TMEM140: variants seen among roughly 807,000 people sequenced by gnomAD.
The protein encoded by TMEM140 is transmembrane protein 140.
For missense variants in TMEM140, 236 were observed against 228.5 expected (o/e 1.03, Z -0.21); for synonymous variants, 107 against 106.8 (o/e 1.00, Z -0.01).
intron 1 of TMEM140, 97 bp from the exon 2 acceptor site, chr7:135,164,321 T>G: frequency 5.8e-6 from 6 of 1,032,020 alleles, no homozygotes; most frequent in Non-Finnish European, 8.5e-6. Flanking sequence ...AAACTTGCCA[T>G]GAGTTTGTAA....
chr7:135,156,650 T>C, intron 1 of TMEM140, among the ~76,000 whole-genome samples: 1 of 152,354 alleles, frequency 6.6e-6, no homozygotes, highest in African/African-American at 2.4e-5. Context: ...TTCAGATTTC[T>C]CTTGCACTTC....
intron 1 of TMEM140, among the ~76,000 whole-genome samples, chr7:135,152,160 G>A (rs1218336434): frequency 6.6e-6 from 1 of 152,210 alleles, no homozygotes; most frequent in Non-Finnish European, 1.5e-5. Flanking sequence ...TTTTACAGAT[G>A]AAAAATCTAG....
In TMEM140 at chr7:135,165,003, C is replaced by T. The variant is rs762546752; in HGVS notation, c.*4C>T. ...GAGCAAGCTTGAGAGCTGCTAAAGGCTTACGTGATTGCAAGGGTTCAGTTC... is the reference window on the plus strand; with the variant it reads ...GAGCAAGCTTGAGAGCTGCTAAAGGTTTACGTGATTGCAAGGGTTCAGTTC... On this transcript the variant is annotated 3_prime_UTR_variant, in exon 2 of 2. Transcript: ENST00000275767. The T allele has an allele frequency of 1.9e-6, 3 of 1,569,302 alleles. No individual in the cohort carries two copies. In the Admixed American group the frequency reaches 5.5e-5, roughly 29 times the overall value.
At chr7:135,155,960 G>A (rs1031451483) in intron 1 of TMEM140, among the ~76,000 whole-genome samples, 4 of 152,164 alleles carry the variant, frequency 2.6e-5, no homozygotes, top group Non-Finnish European at 5.9e-5. Context: ...TGCTTGTATG[G>A]GAAGGACTTT....
intron 1 of TMEM140, among the ~76,000 whole-genome samples, chr7:135,150,764 G>T (rs1829649344): frequency 1.3e-5 from 2 of 152,202 alleles, no homozygotes; most frequent in Non-Finnish European, 2.9e-5. Context: ...GCTGAGGCAG[G>T]TGAATTTCTT....
At position 135,165,749 on chromosome 7, in the gene TMEM140, A is replaced by G. The variant is rs1278446053; in HGVS notation, c.*750A>G. 1 of 167,130 alleles carries G rather than the reference A, an allele frequency of 6.0e-6. No individual in the cohort carries two copies. The highest frequency in any genetic ancestry group is 6.5e-5 in the Admixed American group (1 of 15,294). 10.4% of individuals were successfully genotyped at this position (167,130 alleles called of 1,614,324 possible). A position where few individuals can be genotyped will look rare whatever the true frequency, so the allele number is the denominator to read the frequency against. ...CAAACGCTGCCACCCTCCACTTCCC[A>G]ACCCAGAACTTGGAAAGACATTAGC... On this transcript the variant is annotated 3_prime_UTR_variant, in exon 2 of 2. Coordinates refer to ENST00000275767, the MANE Select transcript of TMEM140 (RefSeq NM_018295.5).
Position 135,164,529 on chromosome 7 carries a change from T to C in TMEM140, c.88T>C (p.Tyr30His). The stretch of plus-strand genomic sequence containing the variant: ...GATTGTGGTCATCTGCCTGATGTTT[T>C]ACGCTCTTCTCTGGGAGGCTGGCAA... ...LVIVVICLMFYALLWEAGNLT... is the reference protein window; with the variant it reads ...LVIVVICLMFHALLWEAGNLT... The change falls in exon 2 of 2, where the codon TAC (tyrosine) becomes CAC (histidine). Residue 30 changes from tyrosine (Y) to histidine (H), a missense_variant. By Grantham distance (83) the Tyr-to-His change is moderately conservative. Coordinates refer to ENST00000275767, the MANE Select transcript of TMEM140 (RefSeq NM_018295.5). 1 of 1,614,138 alleles carries C rather than the reference T, an allele frequency of 6.2e-7. No homozygotes were observed. The highest frequency in any genetic ancestry group is 8.5e-7 in the Non-Finnish European group (1 of 1,179,982).
At chr7:135,155,021 T>C (rs1372461288) in intron 1 of TMEM140, among the ~76,000 whole-genome samples, 1 of 152,238 alleles carries the variant, frequency 6.6e-6, no homozygotes, top group Non-Finnish European at 1.5e-5. Context: ...GCTTCAATGT[T>C]GGGTACATAT....
At position 135,165,795 on chromosome 7, in the gene TMEM140, TTG is replaced by T. The variant is rs61428193; in HGVS notation, c.*802_*803del. ...TTAGCACAACTTACGCATTGGGGAA[TTG>T]TGTGTATTTTCTAGCACTTGTGTAT... On this transcript the variant is annotated 3_prime_UTR_variant, in exon 2 of 2. Coordinates refer to ENST00000275767, the MANE Select transcript of TMEM140 (RefSeq NM_018295.5). 2.1e-3 allele frequency: 345 copies of T among 167,154 alleles called. 1 individual carries two copies. The highest frequency in any genetic ancestry group is 7.6e-3 in the African/African-American group (316 of 41,510). The allele number at this position is 167,154 out of a possible 1,614,324, so 10.4% of individuals were successfully genotyped here.
In TMEM140 at chr7:135,161,280, C is replaced by T. The variant is rs1456782659; in HGVS notation, c.-24-3138C>T. Among the ~76,000 whole-genome samples the T allele has an allele frequency of 2.6e-5, 4 of 152,304 alleles. No individual in the cohort carries two copies. The highest frequency in any genetic ancestry group is 2.1e-4 in the South Asian group (1 of 4,826). ...CGCAAGGTGGCTGATGCAATCTCCC[C>T]GAGGAGCCACATTAATTTTTAAAAA... is the stretch of plus-strand genomic sequence containing the variant. On this transcript the variant is annotated intron_variant, in intron 1 of 1. Coordinates refer to ENST00000275767, the MANE Select transcript of TMEM140 (RefSeq NM_018295.5). This position sits in a 1 kb window ranked among gnomAD's most constrained non-coding sequence, Gnocchi z 4.1.
At chr7:135,155,870 C>T (rs1012310611) in intron 1 of TMEM140, among the ~76,000 whole-genome samples, 4 of 152,210 alleles carry the variant, frequency 2.6e-5, no homozygotes, top group African/African-American at 9.7e-5. Context: ...TAATTAAAAA[C>T]ACCATTCATT....
intron 1 of TMEM140, among the ~76,000 whole-genome samples, chr7:135,163,333 TTTA>T (rs1184053323): frequency 2.0e-5 from 3 of 152,216 alleles, no homozygotes; most frequent in East Asian, 3.8e-4. Context: ...GGTTATCTTT[TTTA>T]TTATTATTTT....
At chr7:135,155,051 C>T (rs185728749) in intron 1 of TMEM140, among the ~76,000 whole-genome samples, 32 of 152,236 alleles carry the variant, frequency 2.1e-4, no homozygotes, top group Admixed American at 1.6e-3. Flanking sequence ...ACTATTATAT[C>T]GTCTTGCTGA....
Position 135,164,470 on chromosome 7 carries a change from A to T in TMEM140, c.29A>T (p.Asp10Val). 1 of 1,598,774 alleles carries T rather than the reference A, an allele frequency of 6.3e-7. No individual in the cohort carries two copies. The highest frequency in any genetic ancestry group is 1.1e-5 in the South Asian group (1 of 90,686). Residue 10 changes from aspartate (D) to valine (V), a missense_variant, in exon 2 of 2, where the codon GAC becomes GTC. Physicochemically the swap from Asp to Val is radical, Grantham distance 152 (BLOSUM62 -3). Transcript: ENST00000275767. MAGPRPRWR[D>V]QLLFMSIIVL... ...GCCGGCCCAAGGCCTCGGTGGCGCG[A>T]CCAGCTGCTGTTCATGAGCATCATA... is the stretch of plus-strand genomic sequence containing the variant.
intron 1 of TMEM140, among the ~76,000 whole-genome samples, chr7:135,156,787 G>C (rs1457742354): frequency 6.6e-6 from 1 of 152,128 alleles, no homozygotes; most frequent in African/African-American, 2.4e-5. Context: ...GTTTGACTGT[G>C]TCCCCACCCA....
At chr7:135,156,851 G>A (rs7790371) in intron 1 of TMEM140, among the ~76,000 whole-genome samples, 3 of 151,896 alleles carry the variant, frequency 2.0e-5, no homozygotes. Context: ...GAGAGGGGAC[G>A]CCAGGGGAGG....
intron 1 of TMEM140, among the ~76,000 whole-genome samples, chr7:135,160,351 C>T (rs972487141): frequency 2.6e-5 from 4 of 152,190 alleles, no homozygotes; most frequent in Non-Finnish European, 4.4e-5. Context: ...ACTGGCTTAT[C>T]ATTAAAGGAC....
chr7:135,156,077 T>C (rs1415242565), intron 1 of TMEM140, among the ~76,000 whole-genome samples: 1 of 152,216 alleles, frequency 6.6e-6, no homozygotes, highest in East Asian at 1.9e-4. Flanking sequence ...ATCCCATTGT[T>C]TTCTGGCATG....
chr7:135,160,118 T>G (rs1164568196), intron 1 of TMEM140, among the ~76,000 whole-genome samples: 1 of 152,220 alleles, frequency 6.6e-6, no homozygotes, highest in African/African-American at 2.4e-5. Context: ...ACATATATAT[T>G]TATGTAATCC....
Sources: gnomAD v4.1 joint callset for allele counts (sites outside exome capture counted in the v4.1 genomes callset) on GRCh38, gnomAD v4.1.1 for gene constraint, Gnocchi (gnomAD v3.1) non-coding constraint, MANE v1.5 for transcripts, NCBI Gene and HGNC (gene_info 2026-07-23, HGNC 2026-07-21) for gene names.